Variants in KIFAP3 observed in about 807,000 individuals in gnomAD.
KIFAP3 encodes kinesin-associated protein 3.
Under a neutral mutation model 106.5 loss-of-function variants are expected in KIFAP3, and 68 were observed. The ratio of observed to expected loss-of-function variants is 0.64; its 90% confidence interval spans 0.53 to 0.78. The LOEUF is 0.78. Among genes scored for constraint, KIFAP3 ranks in the 30% least tolerant of loss-of-function variants. The pLI is 0.00. For missense variants in KIFAP3, 780 were observed against 941.8 expected (o/e 0.83, Z 2.25); for synonymous variants, 320 against 311.5 (o/e 1.03, Z -0.29).
At chr1:170,014,895 A>T (rs1414723231) in intron 10 of KIFAP3, among the ~76,000 whole-genome samples, 1 of 152,142 alleles carries the variant, frequency 6.6e-6, no homozygotes, top group Non-Finnish European at 1.5e-5. Context: ...GATCTTCAAA[A>T]ACTCTAAGTT....
chr1:170,059,968 C>T (rs796654840), intron 1 of KIFAP3, among the ~76,000 whole-genome samples: 1 of 152,114 alleles, frequency 6.6e-6, no homozygotes, highest in Non-Finnish European at 1.5e-5. Context: ...ATTCAACAGC[C>T]CTTCATGCTA....
chr1:169,975,836 A>G (rs539592463), intron 16 of KIFAP3, among the ~76,000 whole-genome samples: 24 of 152,304 alleles, frequency 1.6e-4, no homozygotes, highest in Middle Eastern at 6.8e-3. Flanking sequence ...TCTTTATCCA[A>G]TTTTAAGACA....
At chr1:169,986,289 C>A (rs760417837) in intron 11 of KIFAP3, among the ~76,000 whole-genome samples, 12 of 151,644 alleles carry the variant, frequency 7.9e-5, no homozygotes, top group Non-Finnish European at 1.8e-4. Flanking sequence ...CAGCTGAAAA[C>A]CAAAATTAAA....
At position 169,976,195 on chromosome 1, in the gene KIFAP3, C is replaced by T. The variant is rs886677205; in HGVS notation, c.1897+1890G>A. Among the ~76,000 whole-genome samples, 6 of 152,194 alleles carry T rather than the reference C, an allele frequency of 3.9e-5. No homozygotes were observed. In the East Asian group the frequency reaches 1.2e-3, roughly 29 times the overall value. ...CTCACAAAAAACCCTATGAGATGACCTGTAAATAGGGTGGTATTTCAAAGA... is the reference window on the plus strand; with the variant it reads ...CTCACAAAAAACCCTATGAGATGACTTGTAAATAGGGTGGTATTTCAAAGA... On this transcript the variant is annotated intron_variant, in intron 16 of 19. Transcript: ENST00000361580.
rs1666486760 is a variant in KIFAP3 at position 169,980,943 on chromosome 1, A to C, written c.1798+1029T>G. On this transcript the variant is annotated intron_variant, in intron 15 of 19. Transcript: ENST00000361580. ...ATGGAGAAACCCCATTTCTACTAAAAATACAAAATTAGCTGGGTGTGGTGG... is the reference window on the plus strand; with the variant it reads ...ATGGAGAAACCCCATTTCTACTAAACATACAAAATTAGCTGGGTGTGGTGG... Among the ~76,000 whole-genome samples the C allele has an allele frequency of 1.3e-5, 2 of 152,152 alleles. 1 individual carries two copies. The highest frequency in any genetic ancestry group is 1.3e-4 in the Admixed American group (2 of 15,278).
chr1:169,990,019 C>T, intron 11 of KIFAP3: 1 of 1,552,988 alleles, frequency 6.4e-7, no homozygotes, highest in Non-Finnish European at 8.7e-7. Flanking sequence ...ATTCTTCTAA[C>T]AAAATTATGG....
chr1:170,025,996 A>C (rs1353204147), intron 8 of KIFAP3, among the ~76,000 whole-genome samples: 2 of 152,178 alleles, frequency 1.3e-5, no homozygotes. Context: ...GTGGACCGTG[A>C]ATCCAATGAG....
Position 170,017,237 on chromosome 1 carries a change from C to CAG in KIFAP3, c.1021-615_1021-614dup, listed in dbSNP as rs1440139514. Reference sequence around the variant, plus strand: ...ATGCTACTGCATTCCAGCCTGGTGGCAGAGAGAGAGACTGTCTCAAAAAAA... The same window carrying CAG: ...ATGCTACTGCATTCCAGCCTGGTGGCAGAGAGAGAGAGACTGTCTCAAAAAAA... On this transcript the variant is annotated intron_variant, in intron 9 of 19. Coordinates refer to ENST00000361580, the MANE Select transcript of KIFAP3 (RefSeq NM_014970.4). Among the ~76,000 whole-genome samples the CAG allele has an allele frequency of 6.4e-5, 7 of 109,230 alleles. No individual in the cohort carries two copies. In the East Asian group the frequency reaches 1.2e-3, roughly 18 times the overall value. The allele number at this position is 109,230 out of a possible 152,430, so 71.7% of individuals were successfully genotyped here.
intron 18 of KIFAP3, among the ~76,000 whole-genome samples, chr1:169,955,311 T>C (rs776848485): frequency 6.6e-6 from 1 of 152,192 alleles, no homozygotes; most frequent in Non-Finnish European, 1.5e-5. Flanking sequence ...ATAACCTCTG[T>C]TTTTAAGAAT....
chr1:170,035,059 T>A (rs1669613159), intron 6 of KIFAP3, among the ~76,000 whole-genome samples: 1 of 152,000 alleles, frequency 6.6e-6, no homozygotes, highest in African/African-American at 2.4e-5. Flanking sequence ...TGTGTATAAA[T>A]AATAAATACA....
chr1:169,931,838 G>A (rs1312548265), intron 19 of KIFAP3, among the ~76,000 whole-genome samples: 3 of 152,146 alleles, frequency 2.0e-5, no homozygotes, highest in Non-Finnish European at 4.4e-5. Context: ...TACTGAGTGA[G>A]TTAAAGCCTG....
intron 11 of KIFAP3, among the ~76,000 whole-genome samples, chr1:169,988,131 T>C (rs569316203): frequency 6.6e-6 from 1 of 152,128 alleles, no homozygotes; most frequent in East Asian, 1.9e-4. Context: ...TGGGAGAGAT[T>C]ATGAGACATG....
At chr1:169,964,559 A>C (rs1350246596) in intron 17 of KIFAP3, among the ~76,000 whole-genome samples, 17 of 152,178 alleles carry the variant, frequency 1.1e-4, no homozygotes, top group Admixed American at 1.0e-3. Flanking sequence ...GTGATATTGG[A>C]AGAAGTAGCT....
At chr1:169,953,675 C>A (rs906688297) in intron 19 of KIFAP3, among the ~76,000 whole-genome samples, 1 of 152,122 alleles carries the variant, frequency 6.6e-6, no homozygotes, top group South Asian at 2.1e-4. Flanking sequence ...CCACCACACC[C>A]GGCTAATTTT....
At chr1:170,009,918 A>C (rs1232765115) in intron 10 of KIFAP3, among the ~76,000 whole-genome samples, 3 of 152,158 alleles carry the variant, frequency 2.0e-5, no homozygotes, top group Non-Finnish European at 2.9e-5. Context: ...AAAAATCCCC[A>C]AAAAGACTGC....
chr1:169,931,323 A>G (rs1001646836), intron 19 of KIFAP3, among the ~76,000 whole-genome samples: 3 of 152,216 alleles, frequency 2.0e-5, no homozygotes, highest in Admixed American at 2.0e-4. Flanking sequence ...CGTGCAAGAA[A>G]TAACTGGAGC....
At chr1:169,939,701 A>G (rs1261060058) in intron 19 of KIFAP3, among the ~76,000 whole-genome samples, 1 of 152,178 alleles carries the variant, frequency 6.6e-6, no homozygotes, top group East Asian at 1.9e-4. Context: ...TGGCCAGCAA[A>G]GAACATTGGG....
intron 19 of KIFAP3, among the ~76,000 whole-genome samples, chr1:169,934,464 TAGTA>T (rs537812748): frequency 6.6e-6 from 1 of 152,280 alleles, no homozygotes; most frequent in South Asian, 2.1e-4. Context: ...ATTTTCAAAG[TAGTA>T]AATCAAGGGT....
At chr1:169,955,976 A>C (rs948595942) in intron 18 of KIFAP3, among the ~76,000 whole-genome samples, 1 of 152,190 alleles carries the variant, frequency 6.6e-6, no homozygotes, top group Non-Finnish European at 1.5e-5. Flanking sequence ...AGCCATATAA[A>C]AACTTGTGAT....
Sources: allele counts gnomAD v4.1 joint callset (sites outside exome capture counted in the v4.1 genomes callset), GRCh38; gene constraint gnomAD v4.1.1; transcripts MANE v1.5; gene names NCBI Gene and HGNC (gene_info 2026-07-23, HGNC 2026-07-21).